Variants in SELENOI observed in about 807,000 individuals in gnomAD.
SELENOI encodes the protein ethanolaminephosphotransferase 1.
Under a neutral mutation model 50.7 loss-of-function variants are expected in SELENOI, and 24 were observed. That is an observed-to-expected ratio of 0.47 (90% confidence interval 0.34 to 0.67). SELENOI has a LOEUF of 0.67. SELENOI is among the 30% of genes least tolerant of loss of function. The probability of loss-of-function intolerance (pLI) is 0.01; values close to 1 mark genes in which losing one functional copy is unlikely to be tolerated. For synonymous variants in SELENOI, 155 were observed against 170.2 expected, an observed-to-expected ratio of 0.91 and a Z score of 0.70; for missense variants, 352 against 461.4, an observed-to-expected ratio of 0.76 and a Z score of 2.17.
At chr2:26,386,782 G>A (rs909937579) in intron 9 of SELENOI, among the ~76,000 whole-genome samples, 4 of 152,078 alleles carry the variant, frequency 2.6e-5, no homozygotes, top group Admixed American at 6.5e-5. Flanking sequence ...TTATTGTGAG[G>A]AATTAGTTAT....
chr2:26,359,744 G>GTTTTAACTTTGAA (rs1316058610), intron 1 of SELENOI, among the ~76,000 whole-genome samples: 2 of 152,152 alleles, frequency 1.3e-5, no homozygotes, highest in Non-Finnish European at 2.9e-5. Context: ...TAGAAAAATT[G>GTTTTAACTTTGAA]TTTTAACTTT....
At chr2:26,386,683 T>A in intron 9 of SELENOI, 147 bp downstream of exon 9, 1 of 603,314 alleles carries the variant, frequency 1.7e-6, no homozygotes, top group Non-Finnish European at 2.6e-6. Context: ...ATTCTCTAAA[T>A]TTTGGATAAT....
At position 26,365,056 on chromosome 2, in the gene SELENOI, T is replaced by C. The variant is rs1677259072; in HGVS notation, c.235+116T>C. 1.3e-5 allele frequency: 9 copies of C among 669,426 alleles called. No homozygotes were observed. In the South Asian group the frequency reaches 2.1e-4, roughly 16 times the overall value. 41.5% of individuals were successfully genotyped at this position (669,426 alleles called of 1,614,324 possible). On this transcript the variant is annotated intron_variant, in intron 3 of 9. Transcript: ENST00000260585. ...TTCTAAAAAATTTTGAATATTATAA[T>C]GGCATCACCTTGCCTATTGAATTAG...
At chr2:26,358,794 A>G (rs796431240) in intron 1 of SELENOI, among the ~76,000 whole-genome samples, 4 of 152,328 alleles carry the variant, frequency 2.6e-5, no homozygotes, top group African/African-American at 9.6e-5. Context: ...ATAGAGAAAG[A>G]TGGCTTTGCA....
chr2:26,366,943 T>A (rs1006672590), intron 3 of SELENOI, among the ~76,000 whole-genome samples: 3 of 152,212 alleles, frequency 2.0e-5, no homozygotes, highest in African/African-American at 4.8e-5. Context: ...AATAACTGCT[T>A]ACTGTTTGTG....
chr2:26,350,630 A>G (rs1184299447), intron 1 of SELENOI, among the ~76,000 whole-genome samples: 2 of 152,232 alleles, frequency 1.3e-5, no homozygotes, highest in East Asian at 1.9e-4. Context: ...TTGTCTTCAA[A>G]TAACTCAGTT....
At chr2:26,351,955 A>G (rs1342488178) in intron 1 of SELENOI, among the ~76,000 whole-genome samples, 1 of 152,148 alleles carries the variant, frequency 6.6e-6, no homozygotes, top group Admixed American at 6.6e-5. Flanking sequence ...CAGCTGGGAC[A>G]ATATGGTGAA....
At chr2:26,373,315 C>A in intron 4 of SELENOI, 52 bp from the exon 5 acceptor site, 2 of 1,544,370 alleles carry the variant, frequency 1.3e-6, no homozygotes, top group Non-Finnish European at 1.7e-6. Context: ...AGAAGACTTT[C>A]TCCATCCTGG....
chr2:26,370,264 A>G (rs1256999944), intron 4 of SELENOI, among the ~76,000 whole-genome samples: 1 of 151,822 alleles, frequency 6.6e-6, no homozygotes, highest in East Asian at 1.9e-4. Context: ...ACCTCTTTCT[A>G]CACAGACACG....
At chr2:26,352,264 A>G (rs998464759) in intron 1 of SELENOI, among the ~76,000 whole-genome samples, 10 of 152,274 alleles carry the variant, frequency 6.6e-5, no homozygotes, top group Admixed American at 3.9e-4. Flanking sequence ...TAGGAAGCTC[A>G]CTCTGGCAGC....
intron 1 of SELENOI, among the ~76,000 whole-genome samples, chr2:26,355,827 A>G (rs960417426): frequency 6.6e-6 from 1 of 150,758 alleles, no homozygotes; most frequent in Non-Finnish European, 1.5e-5. Context: ...TGTAGCCTCA[A>G]CCTCCCCAGG....
At chr2:26,371,009 G>A (rs1248135718) in intron 4 of SELENOI, among the ~76,000 whole-genome samples, 3 of 141,460 alleles carry the variant, frequency 2.1e-5, no homozygotes, top group African/African-American at 5.2e-5. Flanking sequence ...CGGACAGGGC[G>A]GCTGGCCAGG....
chr2:26,394,060 C>G lies in SELENOI; in HGVS notation c.*4957C>G, dbSNP rs868670876. ...TATAGTTAGTACTTGATGTCACTAA[C>G]CAAGTTGTAGAAGGAGCCTGTTATA... On this transcript the variant is annotated 3_prime_UTR_variant, in exon 10 of 10. Coordinates refer to ENST00000260585, the MANE Select transcript of SELENOI (RefSeq NM_033505.4). The surrounding 1 kb of genome is among the most constrained non-coding windows in gnomAD (Gnocchi z 4.1). 1 of 152,146 alleles carries G rather than the reference C, an allele frequency of 6.6e-6. No individual in the cohort carries two copies. Among genetic ancestry groups the G allele is most frequent in the Non-Finnish European group, 1.5e-5 (1 of 68,032 alleles). The allele number at this position is 152,146 out of a possible 1,614,324, so 9.4% of individuals were successfully genotyped here.
chr2:26,358,874 A>G (rs1050458649), intron 1 of SELENOI, among the ~76,000 whole-genome samples: 1 of 152,218 alleles, frequency 6.6e-6, no homozygotes, highest in Non-Finnish European at 1.5e-5. Flanking sequence ...GGAATTAATA[A>G]TATCTTGAGC....
chr2:26,351,623 G>A (rs1676960988), intron 1 of SELENOI, among the ~76,000 whole-genome samples: 1 of 152,186 alleles, frequency 6.6e-6, no homozygotes, highest in African/African-American at 2.4e-5. Context: ...GTTAGATAAG[G>A]TCTTTAGACA....
intron 1 of SELENOI, among the ~76,000 whole-genome samples, chr2:26,347,560 G>C (rs549549609): frequency 1.3e-5 from 2 of 152,180 alleles, no homozygotes; most frequent in East Asian, 1.9e-4. Context: ...GTGGAAAGAG[G>C]GTCCAGAGCC....
chr2:26,379,169 C>T (rs1558420393), intron 6 of SELENOI, among the ~76,000 whole-genome samples: 1 of 152,138 alleles, frequency 6.6e-6, no homozygotes, highest in Non-Finnish European at 1.5e-5. Flanking sequence ...GAGGCTGAGG[C>T]AGGAGAATCG....
intron 7 of SELENOI, among the ~76,000 whole-genome samples, chr2:26,383,729 C>T (rs1677761120): frequency 6.6e-6 from 1 of 152,084 alleles, no homozygotes; most frequent in South Asian, 2.1e-4. Flanking sequence ...AAAAAATTAG[C>T]TGTGTGTGGT....
intron 4 of SELENOI, among the ~76,000 whole-genome samples, chr2:26,370,524 GC>G: frequency 7.0e-6 from 1 of 142,736 alleles, no homozygotes; most frequent in Non-Finnish European, 1.6e-5. Flanking sequence ...GGGGCGGCTG[GC>G]CGGGCAGAGG....
Sources: allele counts gnomAD v4.1 joint callset (sites outside exome capture counted in the v4.1 genomes callset), GRCh38; gene constraint gnomAD v4.1.1; non-coding constraint Gnocchi (gnomAD v3.1); transcripts MANE v1.5; gene names NCBI Gene and HGNC (gene_info 2026-07-23, HGNC 2026-07-21).